TTC4: variants seen among roughly 807,000 people sequenced by gnomAD.
TTC4 encodes the protein hsp70/Hsp90 co-chaperone CNS1 homolog.
In TTC4, 36 loss-of-function variants were observed where a neutral mutation model predicts 51.9. That is an observed-to-expected ratio of 0.69 (90% CI 0.53 to 0.92). The LOEUF is 0.92. Among genes scored for constraint, TTC4 ranks in the 40% least tolerant of loss-of-function variants. The pLI, the probability that TTC4 is intolerant of heterozygous loss-of-function variation, is 0.00. For synonymous variants in TTC4, 144 were observed against 164.2 expected, an observed-to-expected ratio of 0.88 and a Z score of 0.94; for missense variants, 399 against 454.6, an observed-to-expected ratio of 0.88 and a Z score of 1.11.
intron 6 of TTC4, among the ~76,000 whole-genome samples, 187 bp downstream of exon 6, chr1:54,728,619 C>G (rs1382082226): frequency 1.3e-5 from 2 of 152,212 alleles, no homozygotes; most frequent in African/African-American, 2.4e-5. Flanking sequence ...TCAGCTCTCT[C>G]ATGTGCATGT....
intron 3 of TTC4, among the ~76,000 whole-genome samples, chr1:54,719,120 G>C (rs1277747744): frequency 1.3e-5 from 2 of 152,118 alleles, no homozygotes; most frequent in Non-Finnish European, 2.9e-5. Flanking sequence ...GAGACCTACT[G>C]TTTTATTGTC....
At chr1:54,721,294 A>T in intron 4 of TTC4, 54 bp downstream of exon 4, 1 of 1,566,434 alleles carries the variant, frequency 6.4e-7, no homozygotes, top group South Asian at 1.1e-5. Flanking sequence ...TGAAGGTGCT[A>T]GGATACTAAT....
In TTC4 at chr1:54,733,345, G is replaced by A. The variant is rs750190920; in HGVS notation, c.897-284G>A. 5.9e-5 allele frequency among the ~76,000 whole-genome samples: 9 copies of A among 151,900 alleles called. No homozygotes were observed. The East Asian group carries it at 7.7e-4, about 13-fold the overall frequency. The stretch of plus-strand genomic sequence containing the variant: ...TAAGGTAGAGGAATTGCTTAAGCCC[G>A]GAAGTCGAGGCTACAGTGAGCTGTT... On this transcript the variant is annotated intron_variant, in intron 7 of 9. Coordinates refer to ENST00000371281, the MANE Select transcript of TTC4 (RefSeq NM_004623.5).
At chr1:54,730,480 C>T (rs752392604) in intron 6 of TTC4, among the ~76,000 whole-genome samples, 3 of 152,182 alleles carry the variant, frequency 2.0e-5, no homozygotes, top group Non-Finnish European at 4.4e-5. Flanking sequence ...TGTTTTCACA[C>T]TACAGTGGCA....
chr1:54,721,931 G>A (rs1413435870), intron 4 of TTC4, among the ~76,000 whole-genome samples: 1 of 152,190 alleles, frequency 6.6e-6, no homozygotes, highest in Non-Finnish European at 1.5e-5. Flanking sequence ...GGCTAGAAGT[G>A]TGTAATCCTT....
At chr1:54,723,090 A>G (rs978798759) in intron 5 of TTC4, among the ~76,000 whole-genome samples, 4 of 152,218 alleles carry the variant, frequency 2.6e-5, no homozygotes, top group African/African-American at 4.8e-5. Flanking sequence ...TTATGATGCC[A>G]TATTTTAACT....
intron 7 of TTC4, among the ~76,000 whole-genome samples, chr1:54,732,111 T>A (rs1326772733): frequency 6.6e-5 from 10 of 151,844 alleles, no homozygotes; most frequent in Non-Finnish European, 1.3e-4. Context: ...TCAGGCAGAT[T>A]ACTTGAGGCC....
At position 54,736,175 on chromosome 1, in the gene TTC4, GGAGAGAGAGAGAGAGAGAGAGA is replaced by G. The variant is rs11292044; in HGVS notation, c.979-1380_979-1359del. ...GGAGAAAGAGAGAGAAAGAAAGAAA[GGAGAGAGAGAGAGAGAGAGAGA>G]GAGAGAGAGAGAGAGAGAGAGAGAG... is the stretch of plus-strand genomic sequence containing the variant. On this transcript the variant is annotated intron_variant, in intron 8 of 9. Coordinates refer to ENST00000371281, the MANE Select transcript of TTC4 (RefSeq NM_004623.5). Among the ~76,000 whole-genome samples, 210 of 100,722 alleles carry G rather than the reference GGAGAGAGAGAGAGAGAGAGAGA, an allele frequency of 2.1e-3. 3 individuals carry two copies. Among genetic ancestry groups the G allele is most frequent in the Middle Eastern group, 5.0e-3 (1 of 200 alleles). 66.1% of individuals were successfully genotyped at this position (100,722 alleles called of 152,430 possible).
Position 54,727,265 on chromosome 1 carries a change from C to G in TTC4, c.595-1081C>G, listed in dbSNP as rs72909881. Among the ~76,000 whole-genome samples the G allele has an allele frequency of 3.9e-3, 588 of 152,144 alleles. 2 individuals are homozygous for G. Among genetic ancestry groups the G allele is most frequent in the African/African-American group, 0.014 (562 of 41,488 alleles). ...CAAGACCATTCAATAGGGAGGTAAT[C>G]TTTTCAACAAAGGATAGTGGGACAA... On this transcript the variant is annotated intron_variant, in intron 5 of 9. Coordinates refer to ENST00000371281, the MANE Select transcript of TTC4 (RefSeq NM_004623.5).
rs77271733 is a variant in TTC4, at chr1:54,723,456, C to T, written c.594+657C>T. Among the ~76,000 whole-genome samples, 862 of 152,208 alleles carry T rather than the reference C, an allele frequency of 5.7e-3. 7 individuals carry two copies. The highest frequency in any genetic ancestry group is 0.02 in the African/African-American group (834 of 41,508). ...CAGTGTATATTATATACTCCCATTC[C>T]GTAGTATAAGCCATGAAGAGAGACC... is the stretch of plus-strand genomic sequence containing the variant. On this transcript the variant is annotated intron_variant, in intron 5 of 9. Coordinates refer to ENST00000371281, the MANE Select transcript of TTC4 (RefSeq NM_004623.5).
At chr1:54,739,507 T>G (rs1645986694) in intron 9 of TTC4, among the ~76,000 whole-genome samples, 2 of 152,212 alleles carry the variant, frequency 1.3e-5, no homozygotes, top group Non-Finnish European at 2.9e-5. Flanking sequence ...TGTTGTAAAC[T>G]GCACAGGGCA....
intron 8 of TTC4, among the ~76,000 whole-genome samples, chr1:54,734,188 C>T (rs1645906950): frequency 6.6e-6 from 1 of 152,022 alleles, no homozygotes; most frequent in Non-Finnish European, 1.5e-5. Context: ...TCTCCTGCCT[C>T]AGCCTCCTGA....
intron 1 of TTC4, 34 bp downstream of exon 1, chr1:54,716,053 G>C (rs1645671062): frequency 1.3e-6 from 2 of 1,538,078 alleles, no homozygotes; most frequent in Non-Finnish European, 1.8e-6. Flanking sequence ...ACGTGTGTAG[G>C]GGCGTCGTCC....
chr1:54,730,133 A>C (rs1332349454), intron 6 of TTC4, among the ~76,000 whole-genome samples: 1 of 152,208 alleles, frequency 6.6e-6, no homozygotes, highest in African/African-American at 2.4e-5. Flanking sequence ...TTCCCTCCCC[A>C]CAACAATCTG....
At chr1:54,728,299 G>A in intron 5 of TTC4, 47 bp from the exon 6 acceptor site, 1 of 1,559,902 alleles carries the variant, frequency 6.4e-7, no homozygotes, top group African/African-American at 1.4e-5. Flanking sequence ...TGCAATAGAA[G>A]AGGAAGCCAG....
chr1:54,740,951 G>A (rs530823585), intron 9 of TTC4, among the ~76,000 whole-genome samples: 21 of 152,172 alleles, frequency 1.4e-4, no homozygotes, highest in Admixed American at 3.9e-4. Context: ...AGAGGGAATC[G>A]TGCCTCCTTG....
At position 54,715,930 on chromosome 1, in the gene TTC4, C is replaced by T. The variant is rs778734031; in HGVS notation, c.22C>T (p.Pro8Ser). The T allele has an allele frequency of 1.9e-6, 3 of 1,607,284 alleles. No individual in the cohort carries two copies. The highest frequency in any genetic ancestry group is 2.5e-6 in the Non-Finnish European group (3 of 1,177,214). Reference protein sequence around the residue: MEQPGQDPTSDDVMDSFL... With the variant: MEQPGQDSTSDDVMDSFL... Reference sequence around the variant, plus strand: ...AGCTATGGAACAACCTGGGCAGGATCCCACCTCAGACGACGTCATGGACTC... The same window carrying T: ...AGCTATGGAACAACCTGGGCAGGATTCCACCTCAGACGACGTCATGGACTC... Residue 8 changes from proline (P) to serine (S), a missense_variant, in exon 1 of 10, where the codon CCC becomes TCC. By Grantham distance (74) the Pro-to-Ser change is moderately conservative. Around this residue, in one of 3 missense-constraint regions of TTC4, gnomAD observed 316 missense variants for 349.6 expected, o/e 0.90. Transcript: ENST00000371281.
intron 5 of TTC4, among the ~76,000 whole-genome samples, chr1:54,724,370 A>G (rs1207050991): frequency 6.6e-6 from 1 of 150,988 alleles, no homozygotes; most frequent in Non-Finnish European, 1.5e-5. Flanking sequence ...GGATCAACTG[A>G]TCCTCCTGCC....
At position 54,733,746 on chromosome 1, in the gene TTC4, AATTTTTTTT is replaced by A. The variant is rs570686666; in HGVS notation, c.978+37_978+45del. 4,964 of 1,078,466 alleles carry A rather than the reference AATTTTTTTT, an allele frequency of 4.6e-3. 149 individuals are homozygous for A. The African/African-American group carries it at 0.066, about 14-fold the overall frequency. 66.8% of individuals were successfully genotyped at this position (1,078,466 alleles called of 1,614,324 possible). A position where few individuals can be genotyped will look rare whatever the true frequency, so the allele number is the denominator to read the frequency against. ...TTTTATTTCGTTCCTCTATGGAATT[AATTTTTTTT>A]TTTTTTTTTTTTTTTTTTGCGGCGG... is the stretch of plus-strand genomic sequence containing the variant. On this transcript the variant is annotated intron_variant, in intron 8 of 9. Coordinates refer to ENST00000371281, the MANE Select transcript of TTC4 (RefSeq NM_004623.5).
Sources: gnomAD v4.1 joint callset for allele counts (sites outside exome capture counted in the v4.1 genomes callset) on GRCh38, gnomAD v4.1.1 for gene constraint, gnomAD v4.1.1 regional missense constraint, MANE v1.5 for transcripts, NCBI Gene and HGNC (gene_info 2026-07-23, HGNC 2026-07-21) for gene names.